Variants in SULT4A1 observed in about 807,000 individuals in gnomAD.
The protein encoded by SULT4A1 is sulfotransferase 4A1.
SULT4A1 carries 11 observed loss-of-function variants against 35.2 expected under a neutral mutation model. The observed-to-expected ratio is 0.31, with a 90% confidence interval of 0.20 to 0.52. The LOEUF (loss-of-function observed/expected upper bound fraction) is 0.52. SULT4A1 is among the 20% of genes least tolerant of loss of function. SULT4A1 has a pLI of 0.97. For missense variants in SULT4A1, 271 were observed against 383.7 expected (o/e 0.71, Z 2.45); for synonymous variants, 152 against 151.8 (o/e 1.00, Z -0.01).
chr22:43,854,692 G>C (rs2049382197), intron 1 of SULT4A1, among the ~76,000 whole-genome samples: 1 of 152,134 alleles, frequency 6.6e-6, no homozygotes, highest in South Asian at 2.1e-4. Flanking sequence ...ACCACTAAAG[G>C]ACAAGAGTTG....
Position 43,825,997 on chromosome 22 carries a change from GTTA to G in SULT4A1, c.*1_*3del. 6.2e-7 allele frequency: 1 copy of G among 1,613,320 alleles called. No individual in the cohort carries two copies. The highest frequency in any genetic ancestry group is 1.1e-5 in the South Asian group (1 of 91,006). On this transcript the variant is annotated 3_prime_UTR_variant, in exon 7 of 7. Coordinates refer to ENST00000330884, the MANE Select transcript of SULT4A1 (RefSeq NM_014351.4). ...TGTGAGCATGCAGGTTGTTGTTTCT[GTTA>G]TTATAAATAAAAGTCAAACGTGAGG...
chr22:43,826,597 C>T (rs758679064), intron 6 of SULT4A1: 131 of 985,126 alleles, frequency 1.3e-4, no homozygotes, highest in Admixed American at 2.5e-4. Flanking sequence ...GCCACCAAGG[C>T]GTCATTGGCT....
At chr22:43,857,304 A>T (rs2049412467) in intron 1 of SULT4A1, among the ~76,000 whole-genome samples, 1 of 144,280 alleles carries the variant, frequency 6.9e-6, no homozygotes. Context: ...CAGGAGGCTG[A>T]GGAAAGAGGA....
intron 3 of SULT4A1, 27 bp from the exon 4 acceptor site, chr22:43,839,020 C>A: frequency 6.2e-7 from 1 of 1,610,464 alleles, no homozygotes; most frequent in South Asian, 1.1e-5. Context: ...CAGGATGAGT[C>A]CGTGTCTCCT....
chr22:43,840,640 C>T (rs942161090), intron 2 of SULT4A1, among the ~76,000 whole-genome samples: 2 of 152,174 alleles, frequency 1.3e-5, no homozygotes, highest in African/African-American at 2.4e-5. Flanking sequence ...GGCGCTGGAC[C>T]GCACAGCAAC....
rs2063454028 is a variant in SULT4A1, at chr22:43,843,950, G to C, written c.170-2018C>G. ...GGGCTTGTGGTTGGCATCAGAACTG[G>C]GGGCAGTCTTGTGGGACTGAGACCT... On this transcript the variant is annotated intron_variant, in intron 1 of 6. Coordinates refer to ENST00000330884, the MANE Select transcript of SULT4A1 (RefSeq NM_014351.4). 2.0e-5 allele frequency among the ~76,000 whole-genome samples: 3 copies of C among 152,164 alleles called. No individual in the cohort carries two copies. The South Asian group carries it at 6.2e-4, about 32-fold the overall frequency.
intron 1 of SULT4A1, among the ~76,000 whole-genome samples, chr22:43,843,784 A>G (rs1311655426): frequency 6.6e-6 from 1 of 152,214 alleles, no homozygotes; most frequent in Non-Finnish European, 1.5e-5. Context: ...CCTTTGTAAC[A>G]TCCTTTATAA....
chr22:43,848,777 C>T (rs1356270150), intron 1 of SULT4A1, among the ~76,000 whole-genome samples: 1 of 152,214 alleles, frequency 6.6e-6, no homozygotes, highest in Admixed American at 6.5e-5. Flanking sequence ...GGGCACCAAT[C>T]TTCCTCATCA....
intron 6 of SULT4A1, chr22:43,826,561 C>A: frequency 1.5e-5 from 15 of 985,404 alleles, no homozygotes; most frequent in Non-Finnish European, 1.8e-5. Flanking sequence ...CCTTCCCACG[C>A]CATTATCCAC....
At chr22:43,854,621 C>T (rs1350669103) in intron 1 of SULT4A1, among the ~76,000 whole-genome samples, 1 of 152,206 alleles carries the variant, frequency 6.6e-6, no homozygotes, top group African/African-American at 2.4e-5. Context: ...ACCTGCTTCC[C>T]ACCTGGCCAC....
At chr22:43,849,948 C>T (rs1452426173) in intron 1 of SULT4A1, among the ~76,000 whole-genome samples, 1 of 152,208 alleles carries the variant, frequency 6.6e-6, no homozygotes, top group Non-Finnish European at 1.5e-5. Flanking sequence ...GTTCCTGCCT[C>T]GCTCACCTGC....
chr22:43,833,632 G>A lies in SULT4A1; in HGVS notation c.603+8C>T, dbSNP rs779545307. On this transcript the variant is annotated splice_region_variant and intron_variant, in intron 5 of 6. Coordinates refer to ENST00000330884, the MANE Select transcript of SULT4A1 (RefSeq NM_014351.4). ...CACCCGGAGGACAGCTGCTCCGGCA[G>A]CACTCACCCGATGCATGTCTTCATA... 4 of 1,590,182 alleles carry A rather than the reference G, an allele frequency of 2.5e-6. No homozygotes were observed. Among genetic ancestry groups the A allele is most frequent in the Non-Finnish European group, 2.6e-6 (3 of 1,167,682 alleles).
rs563021316 is a variant in SULT4A1 at position 43,852,345 on chromosome 22, G to T, written c.169+9869C>A. Among the ~76,000 whole-genome samples the T allele has an allele frequency of 6.6e-3, 794 of 121,162 alleles. 9 individuals carry two copies. Among genetic ancestry groups the T allele is most frequent in the Middle Eastern group, 0.038 (9 of 234 alleles). 79.5% of individuals were successfully genotyped at this position (121,162 alleles called of 152,430 possible). On this transcript the variant is annotated intron_variant, in intron 1 of 6. Transcript: ENST00000330884. Reference sequence around the variant, plus strand: ...ACCACACCTGGCTAGGTTTTTTTTTGTTGTTTTTTTTTTGTAGAGATGGGG... The same window carrying T: ...ACCACACCTGGCTAGGTTTTTTTTTTTTGTTTTTTTTTTGTAGAGATGGGG...
rs112506412 is a variant in SULT4A1, at chr22:43,825,608, T to C, written c.*393A>G. 1,506 of 162,150 alleles carry C rather than the reference T, an allele frequency of 9.3e-3. 35 individuals carry two copies. The highest frequency in any genetic ancestry group is 0.035 in the African/African-American group (1,442 of 41,700). The allele number at this position is 162,150 out of a possible 1,614,324, so 10.0% of individuals were successfully genotyped here. ...CTACCATTCGGGTGTGGCTCGCTCC[T>C]GATTCCCCTTGGAAATGAACTTTTA... On this transcript the variant is annotated 3_prime_UTR_variant, in exon 7 of 7. Coordinates refer to ENST00000330884, the MANE Select transcript of SULT4A1 (RefSeq NM_014351.4).
chr22:43,833,795 C>T lies in SULT4A1; in HGVS notation c.509-61G>A. ...GGGCAGGAGAAGCGCACACATGGGG[C>T]CATCCCCACCCCACAGGGCTGCCCT... On this transcript the variant is annotated intron_variant, in intron 4 of 6. Transcript: ENST00000330884. The T allele has an allele frequency of 2.2e-6, 3 of 1,383,464 alleles. No individual in the cohort carries two copies. The Admixed American group carries it at 6.0e-5, about 28-fold the overall frequency. 85.7% of individuals were successfully genotyped at this position (1,383,464 alleles called of 1,614,324 possible).
At chr22:43,828,934 T>C (rs1295270337) in intron 6 of SULT4A1, 126 bp downstream of exon 6, 3 of 1,110,016 alleles carry the variant, frequency 2.7e-6, no homozygotes, top group Non-Finnish European at 3.7e-6. Context: ...ATGGGCCAGC[T>C]ACAGACTGCT....
At chr22:43,857,462 A>C (rs2049415405) in intron 1 of SULT4A1, among the ~76,000 whole-genome samples, 1 of 152,148 alleles carries the variant, frequency 6.6e-6, no homozygotes, top group South Asian at 2.1e-4. Context: ...AACATCAAAC[A>C]ATCTAACATA....
Position 43,826,126 on chromosome 22 carries a change from CAA to C in SULT4A1, c.743-15_743-14del, listed in dbSNP as rs762413508. On this transcript the variant is annotated splice_polypyrimidine_tract_variant and intron_variant, in intron 6 of 6. Transcript: ENST00000330884. Reference sequence around the variant, plus strand: ...AGCCCAACTCTTCCTGAAACGCAAACAAGAGAACTGCTGGGGCCACTTGCTGT... The same window carrying C: ...AGCCCAACTCTTCCTGAAACGCAAACGAGAACTGCTGGGGCCACTTGCTGT... The C allele has an allele frequency of 2.2e-5, 36 of 1,613,422 alleles. 1 individual carries two copies. Among genetic ancestry groups the C allele is most frequent in the South Asian group, 1.9e-4 (17 of 90,908 alleles).
chr22:43,827,249 C>T, intron 6 of SULT4A1: 2 of 985,434 alleles, frequency 2.0e-6, no homozygotes, highest in Non-Finnish European at 2.4e-6. Flanking sequence ...CCGTTATTAA[C>T]AGCGGTCCTT....
Sources: allele counts gnomAD v4.1 joint callset (sites outside exome capture counted in the v4.1 genomes callset), GRCh38; gene constraint gnomAD v4.1.1; transcripts MANE v1.5; gene names NCBI Gene and HGNC (gene_info 2026-07-23, HGNC 2026-07-21).